Variants in MTA1 observed in about 807,000 individuals in gnomAD.
MTA1 encodes metastasis-associated protein MTA1.
A neutral mutation model predicts 97.0 loss-of-function variants in MTA1; 15 were observed. That is an observed-to-expected ratio of 0.15 (90% confidence interval 0.10 to 0.24). The LOEUF is 0.24. Ranked by LOEUF, MTA1 falls within the 10% of genes least tolerant of loss-of-function variation. The probability of loss-of-function intolerance (pLI) is 1.00; values close to 1 mark genes in which losing one functional copy is unlikely to be tolerated. For missense variants in MTA1, 709 were observed against 1,015.1 expected (o/e 0.70, Z 4.10); for synonymous variants, 435 against 417.5 (o/e 1.04, Z -0.51).
Position 105,464,411 on chromosome 14 carries a change from C to G in MTA1, c.1193-5C>G. Reference sequence around the variant, plus strand: ...TCCGTCTATTTCCAACTTTGTTGTCCGTAGCCACACAGTCTTACCAGTGGT... The same window carrying G: ...TCCGTCTATTTCCAACTTTGTTGTCGGTAGCCACACAGTCTTACCAGTGGT... On this transcript the variant is annotated splice_polypyrimidine_tract_variant and splice_region_variant and intron_variant, in intron 13 of 20. Transcript: ENST00000331320. The G allele has an allele frequency of 6.2e-7, 1 of 1,612,480 alleles. No homozygotes were observed. Among genetic ancestry groups the G allele is most frequent in the Non-Finnish European group, 8.5e-7 (1 of 1,179,130 alleles).
chr14:105,453,742 C>T (rs1309326892), intron 6 of MTA1, among the ~76,000 whole-genome samples: 9 of 152,084 alleles, frequency 5.9e-5, no homozygotes, highest in Non-Finnish European at 1.2e-4. Context: ...ACCCGGGAAA[C>T]GGAGGTTGCA....
rs1487706448 is a variant in MTA1, at chr14:105,464,287, G to A, written c.1193-129G>A. 4.9e-6 allele frequency: 7 copies of A among 1,422,038 alleles called. No individual in the cohort carries two copies. The East Asian group carries it at 1.4e-4, about 29-fold the overall frequency. The allele number at this position is 1,422,038 out of a possible 1,614,324, so 88.1% of individuals were successfully genotyped here. Reference sequence around the variant, plus strand: ...GGGGCTGCGTCCCAGGGGTGTGGTTGGGAGAGCCTCGGGGAACGTGTGGGG... The same window carrying A: ...GGGGCTGCGTCCCAGGGGTGTGGTTAGGAGAGCCTCGGGGAACGTGTGGGG... On this transcript the variant is annotated intron_variant, in intron 13 of 20. Transcript: ENST00000331320.
chr14:105,429,408 C>A (rs2082108544), intron 1 of MTA1, among the ~76,000 whole-genome samples: 1 of 151,976 alleles, frequency 6.6e-6, no homozygotes, highest in African/African-American at 2.4e-5. Flanking sequence ...GCCTCAGCCT[C>A]CCAAGTGGCT....
intron 6 of MTA1, among the ~76,000 whole-genome samples, chr14:105,451,885 G>T (rs1252468603): frequency 6.7e-6 from 1 of 149,532 alleles, no homozygotes; most frequent in East Asian, 2.0e-4. Context: ...CCGCCTCCCG[G>T]GTTCAAGCGA....
chr14:105,460,833 G>A lies in MTA1; in HGVS notation c.822G>A (p.Pro274=), dbSNP rs140025997. ...DISKAISALV[P]QGGPVLCRDE... is the part of the protein sequence containing the mutation. ...CCAAGGCCATCTCGGCGCTGGTGCC[G>A]CAGGGCGGGCCCGTGCTCTGCAGGG... Residue 274 remains proline, a synonymous_variant, in exon 10 of 21, where the codon CCG becomes CCA. Coordinates refer to ENST00000331320, the MANE Select transcript of MTA1 (RefSeq NM_004689.4). 128 of 1,611,572 alleles carry A rather than the reference G, an allele frequency of 7.9e-5. No homozygotes were observed. The highest frequency in any genetic ancestry group is 1.0e-4 in the Non-Finnish European group (118 of 1,179,138).
chr14:105,470,226 C>G lies in MTA1; in HGVS notation c.*11C>G. The G allele has an allele frequency of 6.5e-7, 1 of 1,529,260 alleles. No homozygotes were observed. The highest frequency in any genetic ancestry group is 8.8e-7 in the Non-Finnish European group (1 of 1,142,614). 94.7% of individuals were successfully genotyped at this position (1,529,260 alleles called of 1,614,324 possible). ...GTCATCGAGGACTAGGGGCCGCCCC[C>G]ACCTGCGGCCGCCCCCCGCCCCTCG... On this transcript the variant is annotated 3_prime_UTR_variant, in exon 21 of 21. Transcript: ENST00000331320.
rs1555431841 is a variant in MTA1 at position 105,464,188 on chromosome 14, C to T, written c.1192+41C>T. 2.5e-6 allele frequency: 4 copies of T among 1,580,114 alleles called. No homozygotes were observed. The African/African-American group carries it at 5.4e-5, about 21-fold the overall frequency. On this transcript the variant is annotated intron_variant, in intron 13 of 20. Coordinates refer to ENST00000331320, the MANE Select transcript of MTA1 (RefSeq NM_004689.4). Reference sequence around the variant, plus strand: ...GGCCGGGGGCACACCGCACGCCCGCCTGTGGGCCGTGGTGCCTGCGTTGGC... The same window carrying T: ...GGCCGGGGGCACACCGCACGCCCGCTTGTGGGCCGTGGTGCCTGCGTTGGC...
chr14:105,445,725 G>A (rs913172850), intron 3 of MTA1: 15 of 675,396 alleles, frequency 2.2e-5, no homozygotes, highest in African/African-American at 5.3e-5. Flanking sequence ...GTCCTCGCAC[G>A]CCCCCCGGAG....
intron 6 of MTA1, among the ~76,000 whole-genome samples, chr14:105,451,744 A>G (rs1179237329): frequency 1.3e-5 from 2 of 149,948 alleles, no homozygotes; most frequent in African/African-American, 4.9e-5. Context: ...CTCCTGCTGC[A>G]CGATGCAGCC....
intron 7 of MTA1, 186 bp downstream of exon 7, chr14:105,454,496 C>T: frequency 1.9e-6 from 1 of 527,500 alleles, no homozygotes. Flanking sequence ...GAGCCTTCCC[C>T]CACCCACTCC....
chr14:105,451,306 C>T (rs587689667), intron 6 of MTA1, among the ~76,000 whole-genome samples: 4 of 152,364 alleles, frequency 2.6e-5, no homozygotes, highest in Middle Eastern at 3.4e-3. Context: ...GCGTGAAGGG[C>T]GACAGTGGCT....
intron 3 of MTA1, among the ~76,000 whole-genome samples, chr14:105,447,744 C>T (rs1227668864): frequency 6.6e-6 from 1 of 152,216 alleles, no homozygotes; most frequent in Admixed American, 6.5e-5. Context: ...GATGGGTCTG[C>T]CGCTGGTCCA....
intron 3 of MTA1, chr14:105,449,107 G>A (rs1202755177): frequency 2.6e-5 from 13 of 490,890 alleles, no homozygotes; most frequent in African/African-American, 4.0e-5. Context: ...CTGGACAGGG[G>A]CCCTCCACAG....
At chr14:105,447,763 G>A (rs902635721) in intron 3 of MTA1, among the ~76,000 whole-genome samples, 2 of 152,232 alleles carry the variant, frequency 1.3e-5, no homozygotes, top group Non-Finnish European at 2.9e-5. Context: ...CAGGGACTCA[G>A]AGCGCGGCCC....
intron 7 of MTA1, among the ~76,000 whole-genome samples, chr14:105,457,636 A>G (rs1184927605): frequency 6.6e-6 from 1 of 152,246 alleles, no homozygotes; most frequent in Non-Finnish European, 1.5e-5. Context: ...CTCAAAATAA[A>G]AAGCTTGGGC....
intron 2 of MTA1, among the ~76,000 whole-genome samples, chr14:105,441,600 C>T (rs1283592289): frequency 2.0e-5 from 3 of 152,202 alleles, no homozygotes; most frequent in Non-Finnish European, 2.9e-5. Context: ...CGAGACCATC[C>T]TGGCTAATAC....
chr14:105,455,317 G>C (rs1448712178), intron 7 of MTA1, among the ~76,000 whole-genome samples: 1 of 152,266 alleles, frequency 6.6e-6, no homozygotes, highest in Non-Finnish European at 1.5e-5. Context: ...GGGCCGTGGA[G>C]CTCCGACGCA....
Position 105,454,670 on chromosome 14 carries a change from G to A in MTA1, c.550+360G>A, listed in dbSNP as rs377083253. 230 of 173,336 alleles carry A rather than the reference G, an allele frequency of 1.3e-3. 2 individuals are homozygous for A. The highest frequency in any genetic ancestry group is 7.2e-3 in the East Asian group (46 of 6,418). 10.7% of individuals were successfully genotyped at this position (173,336 alleles called of 1,614,324 possible). ...TGCCCAGGCTGGAGTGCAGTGGGGTGATCTCGGCTCACTGCAACCTCCGCC... is the reference window on the plus strand; with the variant it reads ...TGCCCAGGCTGGAGTGCAGTGGGGTAATCTCGGCTCACTGCAACCTCCGCC... On this transcript the variant is annotated intron_variant, in intron 7 of 20. Transcript: ENST00000331320.
At chr14:105,465,297 C>T (rs782701971) in intron 16 of MTA1, 114 bp downstream of exon 16, 3 of 941,174 alleles carry the variant, frequency 3.2e-6, no homozygotes, top group East Asian at 5.7e-5. Flanking sequence ...TGGACAGCCC[C>T]CCAGGGCCTG....
Sources: gnomAD v4.1 joint callset for allele counts (sites outside exome capture counted in the v4.1 genomes callset) on GRCh38, gnomAD v4.1.1 for gene constraint, MANE v1.5 for transcripts, NCBI Gene and HGNC (gene_info 2026-07-23, HGNC 2026-07-21) for gene names.